Variants in PTPRG observed in about 807,000 individuals in gnomAD.
PTPRG encodes protein tyrosine phosphatase receptor type G.
Under a neutral mutation model 165.3 loss-of-function variants are expected in PTPRG, and 102 were observed. That is an observed-to-expected ratio of 0.62 (90% CI 0.53 to 0.73). The LOEUF is 0.73. Ranked by LOEUF, PTPRG falls within the 30% of genes least tolerant of loss-of-function variation. The pLI is 0.00. For synonymous variants in PTPRG, 675 were observed against 669.5 expected (o/e 1.01, Z -0.13); for missense variants, 1,866 against 1,861.4 (o/e 1.00, Z -0.05).
At chr3:61,891,906 CTTT>C (rs1201328370) in intron 2 of PTPRG, among the ~76,000 whole-genome samples, 1 of 138,078 alleles carries the variant, frequency 7.2e-6, no homozygotes, top group Non-Finnish European at 1.6e-5. Context: ...GTTTTCTTTT[CTTT>C]TTTTTTTTCA....
intron 7 of PTPRG, 89 bp from the exon 8 acceptor site, chr3:62,167,882 C>T (rs1576087552): frequency 7.4e-7 from 1 of 1,351,090 alleles, no homozygotes; most frequent in Admixed American, 1.8e-5. Flanking sequence ...ATCACCTTCA[C>T]CTGCTTTGGA....
chr3:62,073,408 T>A (rs970688141), intron 4 of PTPRG, among the ~76,000 whole-genome samples: 4 of 152,168 alleles, frequency 2.6e-5, no homozygotes, highest in African/African-American at 9.7e-5. Flanking sequence ...AGCCACATGA[T>A]CAAGATAAAT....
At chr3:61,789,806 G>A (rs1009570122) in intron 2 of PTPRG, among the ~76,000 whole-genome samples, 3 of 152,196 alleles carry the variant, frequency 2.0e-5, no homozygotes, top group East Asian at 3.9e-4. Context: ...TGTTTCACGA[G>A]TTGATTGTTA....
chr3:61,685,057 C>G (rs1703576448), intron 1 of PTPRG, among the ~76,000 whole-genome samples: 1 of 152,154 alleles, frequency 6.6e-6, no homozygotes, highest in Admixed American at 6.5e-5. Flanking sequence ...TCTTTCTTTT[C>G]CCGCTCCTCC....
Position 62,262,884 on chromosome 3 carries a change from C to T in PTPRG, c.2646C>T (p.Asn882=). The T allele has an allele frequency of 6.2e-7, 1 of 1,609,594 alleles. No individual in the cohort carries two copies. The highest frequency in any genetic ancestry group is 1.3e-5 in the African/African-American group (1 of 74,906). ...PENKHKNRYI[N]ILAYDHSRVK... is the part of the protein sequence containing the mutation. ...ACAAGCACAAAAACAGATACATCAA[C>T]ATTTTAGCATGTGAGTAATAAGCTT... Residue 882 remains asparagine (N), a synonymous_variant, in exon 17 of 30, where the codon AAC becomes AAT. Coordinates refer to ENST00000474889, the MANE Select transcript of PTPRG (RefSeq NM_002841.4).
intron 12 of PTPRG, among the ~76,000 whole-genome samples, chr3:62,216,242 T>C (rs952484782): frequency 1.3e-5 from 2 of 150,516 alleles, no homozygotes; most frequent in East Asian, 3.9e-4. Context: ...ATGATAGAAA[T>C]ACCACAGAGG....
intron 1 of PTPRG, among the ~76,000 whole-genome samples, chr3:61,590,527 A>T (rs1700543443): frequency 6.6e-6 from 1 of 152,172 alleles, no homozygotes; most frequent in African/African-American, 2.4e-5. Flanking sequence ...CCATCTCAAA[A>T]AAAAAAAGTA....
At chr3:61,747,924 T>A (rs10510868) in intron 1 of PTPRG, among the ~76,000 whole-genome samples, 2 of 152,140 alleles carry the variant, frequency 1.3e-5, no homozygotes, top group East Asian at 3.9e-4. Context: ...GACATTTGTC[T>A]TCTTATACAT....
intron 2 of PTPRG, among the ~76,000 whole-genome samples, chr3:61,841,660 G>A (rs866329735): frequency 1.1e-4 from 17 of 151,918 alleles, no homozygotes; most frequent in South Asian, 8.3e-4. Context: ...ACAGTCATGT[G>A]CTTCTGTCCA....
At chr3:61,778,139 C>G (rs556315199) in intron 2 of PTPRG, among the ~76,000 whole-genome samples, 189 of 152,126 alleles carry the variant, frequency 1.2e-3, no homozygotes, top group Non-Finnish European at 2.2e-3. Flanking sequence ...GTGTTTTGAT[C>G]AAAGAATTGG....
chr3:61,892,868 T>C (rs899579670), intron 2 of PTPRG, among the ~76,000 whole-genome samples: 2 of 151,930 alleles, frequency 1.3e-5, no homozygotes, highest in African/African-American at 2.4e-5. Context: ...GATATGTATG[T>C]GTATTAATGA....
intron 2 of PTPRG, among the ~76,000 whole-genome samples, chr3:61,873,863 T>C (rs1331728541): frequency 6.6e-6 from 1 of 152,130 alleles, no homozygotes; most frequent in African/African-American, 2.4e-5. Flanking sequence ...TTACTGGCTG[T>C]GAGATAGGAG....
At chr3:61,840,978 C>T (rs1312046648) in intron 2 of PTPRG, among the ~76,000 whole-genome samples, 2 of 151,956 alleles carry the variant, frequency 1.3e-5, no homozygotes, top group Non-Finnish European at 2.9e-5. Context: ...GGTGGGGTTT[C>T]ACCCTGTTGG....
intron 2 of PTPRG, among the ~76,000 whole-genome samples, chr3:61,758,363 A>G (rs1191240316): frequency 6.6e-6 from 1 of 152,204 alleles, no homozygotes; most frequent in Non-Finnish European, 1.5e-5. Context: ...CTTACGTAGA[A>G]TTTTGTTTGG....
intron 6 of PTPRG, among the ~76,000 whole-genome samples, chr3:62,155,169 A>G (rs1704489277): frequency 6.6e-6 from 1 of 152,196 alleles, no homozygotes; most frequent in South Asian, 2.1e-4. Context: ...TATGATTTGA[A>G]GACTTTTGCA....
chr3:62,245,960 G>C lies in PTPRG; in HGVS notation c.2467+2062G>C, dbSNP rs1208498383. On this transcript the variant is annotated intron_variant, in intron 15 of 29. Coordinates refer to ENST00000474889, the MANE Select transcript of PTPRG (RefSeq NM_002841.4). The surrounding 1 kb of genome is among the most constrained non-coding windows in gnomAD (Gnocchi z 4.2). ...GCAACACCTTTGAGTAGGTATATTA[G>C]ACCAGAAATTGCTTTTGAATGTTTT... Among the ~76,000 whole-genome samples, 1 of 152,114 alleles carries C rather than the reference G, an allele frequency of 6.6e-6. No homozygotes were observed. The highest frequency in any genetic ancestry group is 1.9e-4 in the East Asian group (1 of 5,190).
chr3:61,860,434 C>CTTTTTTTTTTTTTTTTTTTTTTTTTTT (rs766688465), intron 2 of PTPRG, among the ~76,000 whole-genome samples: 2 of 95,530 alleles, frequency 2.1e-5, no homozygotes, highest in African/African-American at 3.8e-5. Context: ...GTTTTTGTTC[C>CTTTTTTTTTTTTTTTTTTTTTTTTTTT]TTTTTTTTTT....
intron 2 of PTPRG, among the ~76,000 whole-genome samples, chr3:61,829,792 A>G (rs529267492): frequency 2.0e-5 from 3 of 152,280 alleles, no homozygotes; most frequent in African/African-American, 7.2e-5. Flanking sequence ...AGTCAAGAAA[A>G]TCACCCGGTA....
intron 2 of PTPRG, among the ~76,000 whole-genome samples, chr3:61,798,398 A>T (rs1221723542): frequency 6.6e-6 from 1 of 152,184 alleles, no homozygotes; most frequent in Non-Finnish European, 1.5e-5. Flanking sequence ...GTAGGTTAAG[A>T]AGGGCTTTTA....
Sources: gnomAD v4.1 joint callset for allele counts (sites outside exome capture counted in the v4.1 genomes callset) on GRCh38, gnomAD v4.1.1 for gene constraint, Gnocchi (gnomAD v3.1) non-coding constraint, MANE v1.5 for transcripts, NCBI Gene and HGNC (gene_info 2026-07-23, HGNC 2026-07-21) for gene names.